Variants in USP24 observed in about 807,000 individuals in gnomAD.
The protein encoded by USP24 is ubiquitin specific peptidase 24.
In USP24, 97 loss-of-function variants were observed where a neutral mutation model predicts 361.6. The ratio of observed to expected loss-of-function variants is 0.27; its 90% CI spans 0.23 to 0.32. The LOEUF (loss-of-function observed/expected upper bound fraction) is 0.32, where lower values mean the gene tolerates loss of function less well. Ranked by LOEUF, USP24 falls within the 10% of genes least tolerant of loss-of-function variation. The pLI is 1.00. For synonymous variants in USP24, 1,098 were observed against 1,124.6 expected (o/e 0.98, Z 0.47); for missense variants, 2,353 against 3,165.6 (o/e 0.74, Z 6.16).
chr1:55,100,209 A>G (rs1645597081), intron 44 of USP24, among the ~76,000 whole-genome samples: 1 of 152,228 alleles, frequency 6.6e-6, no homozygotes, highest in Non-Finnish European at 1.5e-5. Context: ...TAAAAATAGT[A>G]TTCTTGGCCG....
At chr1:55,130,718 C>T (rs1174803840) in intron 31 of USP24, among the ~76,000 whole-genome samples, 1 of 152,152 alleles carries the variant, frequency 6.6e-6, no homozygotes, top group African/African-American at 2.4e-5. Context: ...CACTCTGACC[C>T]CAGCTGCCTC....
At chr1:55,100,286 CG>C (rs1263214740) in intron 44 of USP24, among the ~76,000 whole-genome samples, 4 of 152,188 alleles carry the variant, frequency 2.6e-5, no homozygotes. Context: ...CACCTGAGGT[CG>C]GGAGTTCAAG....
chr1:55,071,476 G>A, intron 67 of USP24: 1 of 1,051,112 alleles, frequency 9.5e-7, no homozygotes. Flanking sequence ...GAGCAAACGA[G>A]GGACTTTCAG....
intron 1 of USP24, among the ~76,000 whole-genome samples, chr1:55,197,544 G>A (rs777566120): frequency 6.6e-6 from 1 of 152,172 alleles, no homozygotes; most frequent in Non-Finnish European, 1.5e-5. Flanking sequence ...GTGTGTTCAG[G>A]CACAAAAGAG....
At chr1:55,081,268 T>C in intron 59 of USP24, 54 bp downstream of exon 59, 1 of 1,519,942 alleles carries the variant, frequency 6.6e-7, no homozygotes, top group Middle Eastern at 1.7e-4. Context: ...ATATAATTAC[T>C]CTCCAAGCTA....
chr1:55,185,469 A>G (rs1644102639), intron 1 of USP24, among the ~76,000 whole-genome samples: 1 of 152,100 alleles, frequency 6.6e-6, no homozygotes, highest in Non-Finnish European at 1.5e-5. Flanking sequence ...AAATTTAAAA[A>G]AAAGGGACAA....
chr1:55,177,838 A>G (rs984051929), intron 2 of USP24, 129 bp downstream of exon 2: 1 of 816,422 alleles, frequency 1.2e-6, no homozygotes, highest in East Asian at 2.8e-5. Context: ...TCTGCAGGAG[A>G]TAAGTGAAGA....
At chr1:55,214,652 T>G (rs905809951) in intron 1 of USP24, 138 bp downstream of exon 1, 1 of 770,314 alleles carries the variant, frequency 1.3e-6, no homozygotes, top group Non-Finnish European at 1.7e-6. Context: ...GGGGCTTCTC[T>G]CTCTCTCTCC....
Position 55,214,838 on chromosome 1 carries a change from C to T in USP24, c.276G>A (p.Gly92=). The change falls in exon 1 of 68, where the codon GGG becomes GGA. Residue 92 remains glycine (G), a synonymous_variant. Transcript: ENST00000294383. ...GPSRGGSTGG[G]GGFDPPPAYH... is the part of the protein sequence containing the mutation. ...AGGCGGGCGGGGGGTCGAAGCCGCC[C>T]CCGCCTCCGGTGCTCCCGCCGCGGG... The T allele has an allele frequency of 1.6e-6, 2 of 1,223,994 alleles. No homozygotes were observed. The highest frequency in any genetic ancestry group is 2.1e-6 in the Non-Finnish European group (2 of 974,562). 75.8% of individuals were successfully genotyped at this position (1,223,994 alleles called of 1,614,324 possible). A position where few individuals can be genotyped will look rare whatever the true frequency, so the allele number is the denominator to read the frequency against.
chr1:55,126,803 C>T (rs1266326898), intron 32 of USP24, among the ~76,000 whole-genome samples: 1 of 152,150 alleles, frequency 6.6e-6, no homozygotes, highest in Non-Finnish European at 1.5e-5. Flanking sequence ...CTTCTCTGTG[C>T]CAGACCTCCC....
chr1:55,166,951 A>ATAATCCCATT, intron 5 of USP24, among the ~76,000 whole-genome samples: 1 of 152,214 alleles, frequency 6.6e-6, no homozygotes, highest in Non-Finnish European at 1.5e-5. Context: ...TTAACATAAG[A>ATAATCCCATT]AGCAGTAAAT....
chr1:55,156,869 C>G, intron 12 of USP24, 79 bp downstream of exon 12: 1 of 986,484 alleles, frequency 1.0e-6, no homozygotes, highest in Non-Finnish European at 1.6e-6. Flanking sequence ...TTCCGTTTTC[C>G]TGCTCTCTCA....
intron 45 of USP24, among the ~76,000 whole-genome samples, 170 bp from the exon 46 acceptor site, chr1:55,098,728 T>C (rs1302905561): frequency 6.6e-6 from 1 of 152,182 alleles, no homozygotes; most frequent in African/African-American, 2.4e-5. Flanking sequence ...GTCAGAGTGA[T>C]GCAGACGATC....
intron 1 of USP24, among the ~76,000 whole-genome samples, chr1:55,204,797 G>C (rs1415438913): frequency 6.6e-6 from 1 of 152,114 alleles, no homozygotes; most frequent in African/African-American, 2.4e-5. Flanking sequence ...CTTACTGAAT[G>C]GTTATTTTGT....
intron 39 of USP24, 45 bp from the exon 40 acceptor site, chr1:55,107,475 C>A: frequency 6.7e-7 from 1 of 1,491,116 alleles, no homozygotes; most frequent in South Asian, 1.4e-5. Flanking sequence ...GAAGGATTTC[C>A]CTTTATGGAG....
intron 1 of USP24, among the ~76,000 whole-genome samples, chr1:55,206,163 C>G (rs1284246115): frequency 6.6e-6 from 1 of 152,228 alleles, no homozygotes; most frequent in Non-Finnish European, 1.5e-5. Flanking sequence ...ACTGAGTCAT[C>G]TCTCTATCCA....
At chr1:55,147,938 C>A in intron 17 of USP24, 140 bp from the exon 18 acceptor site, 1 of 834,664 alleles carries the variant, frequency 1.2e-6, no homozygotes, top group African/African-American at 1.8e-5. Flanking sequence ...ATTTCCTACA[C>A]AAAAGTAAAT....
At chr1:55,069,692 A>G (rs1644880714) in intron 67 of USP24, among the ~76,000 whole-genome samples, 1 of 151,742 alleles carries the variant, frequency 6.6e-6, no homozygotes, top group South Asian at 2.1e-4. Context: ...TGGAAGGAAG[A>G]GAGTACATTT....
chr1:55,193,031 C>CA (rs896477818), intron 1 of USP24, among the ~76,000 whole-genome samples: 141 of 152,292 alleles, frequency 9.3e-4, no homozygotes, highest in African/African-American at 3.3e-3. Context: ...TGGATGGTTG[C>CA]ATTTGTATTG....
Sources: allele counts gnomAD v4.1 joint callset (sites outside exome capture counted in the v4.1 genomes callset), GRCh38; gene constraint gnomAD v4.1.1; transcripts MANE v1.5; gene names NCBI Gene and HGNC (gene_info 2026-07-23, HGNC 2026-07-21).